Variants in SEMA3D observed in about 807,000 individuals in gnomAD.
The protein encoded by SEMA3D is semaphorin-3D.
In SEMA3D, 84 loss-of-function variants were observed where a neutral mutation model predicts 100.1. That is an observed-to-expected ratio of 0.84 (90% CI 0.70 to 1.01). SEMA3D has a LOEUF of 1.01. Ranked by LOEUF, SEMA3D falls within the 50% of genes least tolerant of loss-of-function variation. SEMA3D has a pLI of 0.00. For missense variants in SEMA3D, 875 were observed against 934.1 expected (o/e 0.94, Z 0.82); for synonymous variants, 312 against 320.7 (o/e 0.97, Z 0.29).
intron 5 of SEMA3D, among the ~76,000 whole-genome samples, chr7:85,077,498 A>C (rs1787907153): frequency 6.6e-6 from 1 of 152,056 alleles, no homozygotes. Flanking sequence ...AAAAAGGCAA[A>C]CAGGAAAATT....
chr7:85,041,018 A>G (rs370376227), intron 10 of SEMA3D: 2 of 217,080 alleles, frequency 9.2e-6, no homozygotes, highest in African/African-American at 2.3e-5. Flanking sequence ...TCTAGTGTAA[A>G]AAAATTCTGT....
chr7:85,150,712 T>G (rs927198745), intron 2 of SEMA3D, among the ~76,000 whole-genome samples: 2 of 151,856 alleles, frequency 1.3e-5, no homozygotes, highest in African/African-American at 4.8e-5. Flanking sequence ...TAGAAGATTA[T>G]AGTCATCGCA....
chr7:85,180,676 CAAT>C (rs1791376778), intron 1 of SEMA3D, among the ~76,000 whole-genome samples: 1 of 152,128 alleles, frequency 6.6e-6, no homozygotes, highest in African/African-American at 2.4e-5. Context: ...ATTAATGAAT[CAAT>C]AATGACAGAT....
intron 2 of SEMA3D, among the ~76,000 whole-genome samples, chr7:85,125,650 ACTGGT>A: frequency 6.6e-6 from 1 of 152,208 alleles, no homozygotes; most frequent in African/African-American, 2.4e-5. Context: ...CCTACAATCT[ACTGGT>A]CCTGATTCTT....
intron 2 of SEMA3D, among the ~76,000 whole-genome samples, chr7:85,135,072 A>G (rs558539001): frequency 3.3e-4 from 50 of 151,768 alleles, no homozygotes; most frequent in Admixed American, 3.0e-3. Flanking sequence ...GCCACGAGAT[A>G]ATGGTGAGAA....
chr7:85,033,296 CT>C (rs1400180504), intron 12 of SEMA3D, among the ~76,000 whole-genome samples: 44 of 152,238 alleles, frequency 2.9e-4, no homozygotes, highest in African/African-American at 9.9e-4. Context: ...ACACTTCCCA[CT>C]GACATTTTTA....
intron 1 of SEMA3D, among the ~76,000 whole-genome samples, chr7:85,177,528 T>G (rs1406818943): frequency 1.3e-5 from 2 of 152,268 alleles, no homozygotes; most frequent in East Asian, 3.9e-4. Context: ...CTGGCACTGA[T>G]GTTGTGTCTT....
At chr7:85,110,622 T>C (rs532353443) in intron 3 of SEMA3D, among the ~76,000 whole-genome samples, 4 of 152,184 alleles carry the variant, frequency 2.6e-5, no homozygotes, top group African/African-American at 9.6e-5. Flanking sequence ...ATACATGTTC[T>C]AAATGTACCC....
chr7:85,041,062 CT>C (rs72214529), intron 10 of SEMA3D: 11,488 of 151,750 alleles, frequency 0.076, 472 homozygotes, highest in African/African-American at 0.16. Context: ...ATTAATTTGC[CT>C]TTTTTTTTTT....
At chr7:85,022,702 A>C (rs1790289986) in intron 12 of SEMA3D, 89 bp from the exon 13 acceptor site, 3 of 797,690 alleles carry the variant, frequency 3.8e-6, no homozygotes, top group African/African-American at 3.4e-5. Flanking sequence ...ATAGCTTATC[A>C]TCAATAATAT....
At chr7:85,065,334 C>T in intron 8 of SEMA3D, 90 bp downstream of exon 8, 16 of 1,190,158 alleles carry the variant, frequency 1.3e-5, no homozygotes, top group South Asian at 3.2e-5. Flanking sequence ...TTAATTATTC[C>T]AAAACACATT....
At chr7:85,081,411 G>A in intron 5 of SEMA3D, 106 bp downstream of exon 5, 1 of 691,302 alleles carries the variant, frequency 1.4e-6, no homozygotes, top group Non-Finnish European at 2.5e-6. Context: ...AGTTTAGTCT[G>A]AAAAATAATA....
intron 1 of SEMA3D, among the ~76,000 whole-genome samples, chr7:85,175,053 G>C (rs1344330440): frequency 1.3e-5 from 2 of 152,026 alleles, no homozygotes; most frequent in Non-Finnish European, 2.9e-5. Flanking sequence ...TGTAATAAAG[G>C]GTTGCAATTA....
chr7:85,104,466 G>T (rs1788848555), intron 3 of SEMA3D, among the ~76,000 whole-genome samples: 1 of 152,020 alleles, frequency 6.6e-6, no homozygotes, highest in Admixed American at 6.6e-5. Flanking sequence ...GGTAATCTCT[G>T]CTCTTATTTG....
intron 18 of SEMA3D, among the ~76,000 whole-genome samples, chr7:85,002,748 G>A (rs577545140): frequency 1.9e-3 from 284 of 152,270 alleles, no homozygotes; most frequent in Non-Finnish European, 3.5e-3. Flanking sequence ...TTTGCCTAAT[G>A]TGAACAAGGA....
At chr7:85,065,402 TA>T (rs766696506) in intron 8 of SEMA3D, 21 bp downstream of exon 8, 1 of 1,609,334 alleles carries the variant, frequency 6.2e-7, no homozygotes, top group Non-Finnish European at 8.5e-7. Flanking sequence ...CAATCAAAAG[TA>T]AACAAAAAAA....
chr7:85,150,334 T>C (rs1790333117), intron 2 of SEMA3D, among the ~76,000 whole-genome samples: 1 of 132,532 alleles, frequency 7.5e-6, no homozygotes, highest in African/African-American at 2.9e-5. Flanking sequence ...CTGTTCTAAA[T>C]ACTTTTCTAG....
the SEMA3D span, among the ~76,000 whole-genome samples, chr7:85,213,165 G>C: frequency 6.6e-6 from 1 of 151,940 alleles, no homozygotes; most frequent in African/African-American, 2.4e-5. Context: ...CACTGCTTAT[G>C]GTCATTGCCT....
At chr7:85,207,523 A>C in the SEMA3D span, among the ~76,000 whole-genome samples, 1 of 152,126 alleles carries the variant, frequency 6.6e-6, no homozygotes, top group African/African-American at 2.4e-5. Context: ...GGCCCTGCTA[A>C]TCTTTCCATT....
Sources: allele counts gnomAD v4.1 joint callset (sites outside exome capture counted in the v4.1 genomes callset), GRCh38; gene constraint gnomAD v4.1.1; transcripts MANE v1.5; gene names NCBI Gene and HGNC (gene_info 2026-07-23, HGNC 2026-07-21).